ZMIZ1: variants seen among roughly 807,000 people sequenced by gnomAD.
ZMIZ1 encodes zinc finger MIZ-type containing 1, also known as zinc finger MIZ domain-containing protein 1.
In ZMIZ1, 17 loss-of-function variants were observed where a neutral mutation model predicts 113.9. The ratio of observed to expected loss-of-function variants is 0.15; its 90% confidence interval spans 0.10 to 0.22. The LOEUF is 0.22. ZMIZ1 is among the 10% of genes least tolerant of loss of function. The pLI, the probability that ZMIZ1 is intolerant of heterozygous loss-of-function variation, is 1.00. For synonymous variants in ZMIZ1, 607 were observed against 603.1 expected (o/e 1.01, Z -0.09); for missense variants, 1,059 against 1,477.8 (o/e 0.72, Z 4.65).
At chr10:79,165,100 C>T (rs946575930) in intron 4 of ZMIZ1, among the ~76,000 whole-genome samples, 2 of 152,010 alleles carry the variant, frequency 1.3e-5, no homozygotes, top group African/African-American at 2.4e-5. Context: ...ACAGAAAGCC[C>T]TTGTCTGGGA....
chr10:79,248,965 A>C (rs1175734564), intron 7 of ZMIZ1, among the ~76,000 whole-genome samples: 2 of 152,054 alleles, frequency 1.3e-5, no homozygotes, highest in Non-Finnish European at 2.9e-5. Flanking sequence ...GGCACTAGTG[A>C]TTTACCAGCT....
chr10:79,172,699 T>A (rs573250064), intron 4 of ZMIZ1, among the ~76,000 whole-genome samples: 15 of 152,180 alleles, frequency 9.9e-5, no homozygotes, highest in Admixed American at 1.3e-4. Flanking sequence ...TCCTGTCATA[T>A]GGAGCATGAG....
intron 24 of ZMIZ1, 105 bp downstream of exon 24, chr10:79,311,289 G>GT: frequency 7.4e-7 from 1 of 1,346,758 alleles, no homozygotes; most frequent in Admixed American, 2.5e-5. Context: ...AAGGGAGGAG[G>GT]TGGGTGGGCG....
chr10:79,302,935 C>T (rs1463986736), intron 18 of ZMIZ1, among the ~76,000 whole-genome samples: 2 of 150,258 alleles, frequency 1.3e-5, no homozygotes, highest in African/African-American at 4.9e-5. Flanking sequence ...TATCTCCGCT[C>T]ACTGCAAGCT....
At chr10:79,133,138 CT>C (rs1404994428) in intron 2 of ZMIZ1, among the ~76,000 whole-genome samples, 1 of 152,192 alleles carries the variant, frequency 6.6e-6, no homozygotes, top group East Asian at 1.9e-4. Flanking sequence ...CACCCACCCC[CT>C]AGTACACTCT....
chr10:79,237,347 T>A (rs951972337), intron 7 of ZMIZ1, among the ~76,000 whole-genome samples: 3 of 152,186 alleles, frequency 2.0e-5, no homozygotes, highest in African/African-American at 7.2e-5. Flanking sequence ...GAATGTTTTG[T>A]GACTTAGGTT....
chr10:79,261,816 T>G (rs1332759496), intron 7 of ZMIZ1, among the ~76,000 whole-genome samples: 1 of 152,210 alleles, frequency 6.6e-6, no homozygotes, highest in Non-Finnish European at 1.5e-5. Flanking sequence ...TGTTACACCT[T>G]TAGAGCACCG....
At chr10:79,077,703 G>A (rs952168716) in intron 1 of ZMIZ1, among the ~76,000 whole-genome samples, 1 of 152,156 alleles carries the variant, frequency 6.6e-6, no homozygotes, top group Non-Finnish European at 1.5e-5. Flanking sequence ...TGTAACTTTG[G>A]GCAAGTAATG....
intron 7 of ZMIZ1, among the ~76,000 whole-genome samples, chr10:79,266,975 A>G (rs915173849): frequency 1.3e-5 from 2 of 152,220 alleles, no homozygotes; most frequent in African/African-American, 4.8e-5. Context: ...GACACAGTGG[A>G]ATGGGGCTGA....
At chr10:79,109,343 C>T (rs1843660341) in intron 1 of ZMIZ1, among the ~76,000 whole-genome samples, 1 of 152,228 alleles carries the variant, frequency 6.6e-6, no homozygotes, top group African/African-American at 2.4e-5. Flanking sequence ...GTTGTCCACA[C>T]TCACATCCTT....
At chr10:79,306,076 G>A in intron 21 of ZMIZ1, 24 bp from the exon 22 acceptor site, 1 of 1,605,030 alleles carries the variant, frequency 6.2e-7, no homozygotes, top group Non-Finnish European at 8.5e-7. Flanking sequence ...CGGAGCCTCA[G>A]CTCTGCCACC....
chr10:79,158,663 C>G lies in ZMIZ1; in HGVS notation c.-130-3390C>G, dbSNP rs1405150280. On this transcript the variant is annotated intron_variant, in intron 3 of 24. Coordinates refer to ENST00000334512, the MANE Select transcript of ZMIZ1 (RefSeq NM_020338.4). ...ATCCTGCATCTCTCTGGGTCAGACT[C>G]AGCCCCGGGTCAACATGACCGAGTG... is the stretch of plus-strand genomic sequence containing the variant. 2.0e-5 allele frequency among the ~76,000 whole-genome samples: 3 copies of G among 152,320 alleles called. No individual in the cohort carries two copies. In the South Asian group the frequency reaches 6.2e-4, roughly 32 times the overall value.
intron 1 of ZMIZ1, among the ~76,000 whole-genome samples, chr10:79,112,494 C>A (rs2132298702): frequency 6.6e-6 from 1 of 152,244 alleles, no homozygotes; most frequent in South Asian, 2.1e-4. Flanking sequence ...ATGTTCCTGG[C>A]AGGCTCTGTG....
At chr10:79,088,784 G>A (rs1327994227) in intron 1 of ZMIZ1, among the ~76,000 whole-genome samples, 2 of 152,212 alleles carry the variant, frequency 1.3e-5, no homozygotes, top group African/African-American at 2.4e-5. Context: ...CTTCCATTTA[G>A]CGGTCCCCAC....
At position 79,099,152 on chromosome 10, in the gene ZMIZ1, GC is replaced by G. The variant is rs1253281878; in HGVS notation, c.-336-19762del. 3.3e-5 allele frequency among the ~76,000 whole-genome samples: 5 copies of G among 152,182 alleles called. No individual in the cohort carries two copies. In the East Asian group the frequency reaches 5.8e-4, roughly 18 times the overall value. On this transcript the variant is annotated intron_variant, in intron 1 of 24. Coordinates refer to ENST00000334512, the MANE Select transcript of ZMIZ1 (RefSeq NM_020338.4). ...AGCACCACAGTGTCTGCAAACCAGA[GC>G]GGAGGGTCCCTAGGCTGTGGGGGTG...
intron 1 of ZMIZ1, among the ~76,000 whole-genome samples, chr10:79,100,681 TC>T (rs1320045572): frequency 1.3e-5 from 2 of 152,246 alleles, no homozygotes; most frequent in African/African-American, 4.8e-5. Flanking sequence ...GGTCCCATGA[TC>T]CCTGCTGCGT....
chr10:79,158,647 C>T (rs1845993114), intron 3 of ZMIZ1, among the ~76,000 whole-genome samples: 1 of 152,224 alleles, frequency 6.6e-6, no homozygotes, highest in Non-Finnish European at 1.5e-5. Flanking sequence ...GATCCTGCAT[C>T]TCTCTGGGTC....
At chr10:79,143,789 TG>T (rs1282494521) in intron 3 of ZMIZ1, among the ~76,000 whole-genome samples, 1 of 51,422 alleles carries the variant, frequency 1.9e-5, no homozygotes, top group Admixed American at 2.0e-4. Flanking sequence ...TGATAGGGGC[TG>T]GGGGGTGGGG....
chr10:79,222,860 G>T (rs531994502), intron 7 of ZMIZ1, among the ~76,000 whole-genome samples: 1 of 152,184 alleles, frequency 6.6e-6, no homozygotes, highest in African/African-American at 2.4e-5. Flanking sequence ...ATTGTTGGGA[G>T]AGGCACAGGT....
Sources: gnomAD v4.1 joint callset for allele counts (sites outside exome capture counted in the v4.1 genomes callset) on GRCh38, gnomAD v4.1.1 for gene constraint, MANE v1.5 for transcripts, NCBI Gene and HGNC (gene_info 2026-07-23, HGNC 2026-07-21) for gene names.